SMAP1: variants seen among roughly 807,000 people sequenced by gnomAD.
SMAP1 encodes the protein small ArfGAP 1, also known as stromal membrane-associated protein 1.
A neutral mutation model predicts 58.5 loss-of-function variants in SMAP1; 24 were observed. The observed-to-expected ratio is 0.41, with a 90% confidence interval of 0.30 to 0.58. SMAP1 has a LOEUF of 0.58. Among genes scored for constraint, SMAP1 ranks in the 20% least tolerant of loss-of-function variants. SMAP1 has a pLI of 0.29. For synonymous variants in SMAP1, 216 were observed against 196.6 expected (o/e 1.10, Z -0.82); for missense variants, 563 against 566.3 (o/e 0.99, Z 0.06).
At chr6:70,754,291 A>G (rs1766397483) in intron 2 of SMAP1, among the ~76,000 whole-genome samples, 1 of 152,102 alleles carries the variant, frequency 6.6e-6, no homozygotes, top group African/African-American at 2.4e-5. Context: ...CTGAAACCTA[A>G]TTAAACTGGT....
chr6:70,855,629 A>G (rs1335971522), intron 8 of SMAP1, among the ~76,000 whole-genome samples: 2 of 152,202 alleles, frequency 1.3e-5, no homozygotes, highest in African/African-American at 4.8e-5. Flanking sequence ...TGTGCAGAAC[A>G]CTTTTGTGAT....
At chr6:70,816,878 A>G (rs1361030958) in intron 6 of SMAP1, among the ~76,000 whole-genome samples, 2 of 152,178 alleles carry the variant, frequency 1.3e-5, no homozygotes, top group African/African-American at 4.8e-5. Flanking sequence ...TAAAGATTTA[A>G]AGATTTAGTA....
chr6:70,792,816 C>T (rs1427599582), intron 5 of SMAP1, among the ~76,000 whole-genome samples: 1 of 151,864 alleles, frequency 6.6e-6, no homozygotes, highest in East Asian at 1.9e-4. Flanking sequence ...GGCTCGGGCA[C>T]TTGAGTGATG....
At chr6:70,822,429 C>T (rs912808928) in intron 6 of SMAP1, among the ~76,000 whole-genome samples, 2 of 150,806 alleles carry the variant, frequency 1.3e-5, no homozygotes, top group Non-Finnish European at 3.0e-5. Context: ...TGAGTAGTGG[C>T]TGTGCTGAGA....
intron 2 of SMAP1, among the ~76,000 whole-genome samples, chr6:70,747,530 C>G (rs994927731): frequency 2.0e-5 from 3 of 152,108 alleles, no homozygotes; most frequent in African/African-American, 7.2e-5. Context: ...CAATAGATGA[C>G]TAGATCCTGA....
chr6:70,696,892 T>C (rs1767427470), intron 1 of SMAP1, among the ~76,000 whole-genome samples: 1 of 152,242 alleles, frequency 6.6e-6, no homozygotes, highest in South Asian at 2.1e-4. Context: ...GCTCTAATAA[T>C]ATTTGCTTTA....
rs1166827675 is a variant in SMAP1 at position 70,861,970 on chromosome 6, C to T, written c.*1636C>T. ...TTGGACAAAATGACTTGAAGACTTA[C>T]AGCAAATCCTTTGTGAAAAATAAAA... On this transcript the variant is annotated 3_prime_UTR_variant, in exon 11 of 11. Coordinates refer to ENST00000370455, the MANE Select transcript of SMAP1 (RefSeq NM_001044305.3). 2.5e-6 allele frequency: 4 copies of T among 1,583,214 alleles called. No individual in the cohort carries two copies. In the Admixed American group the frequency reaches 5.7e-5, roughly 23 times the overall value.
intron 6 of SMAP1, among the ~76,000 whole-genome samples, chr6:70,805,453 C>G (rs931951030): frequency 6.6e-6 from 1 of 152,136 alleles, no homozygotes; most frequent in Non-Finnish European, 1.5e-5. Flanking sequence ...GAACATGTTC[C>G]ATTAGCTCCG....
chr6:70,815,431 G>A (rs757205941), intron 6 of SMAP1, among the ~76,000 whole-genome samples: 1 of 152,134 alleles, frequency 6.6e-6, no homozygotes, highest in Non-Finnish European at 1.5e-5. Context: ...TGTGGAATAT[G>A]ATACTCTTAG....
At chr6:70,822,357 T>C (rs1769926474) in intron 6 of SMAP1, among the ~76,000 whole-genome samples, 1 of 152,198 alleles carries the variant, frequency 6.6e-6, no homozygotes, top group African/African-American at 2.4e-5. Flanking sequence ...ATTATTATTC[T>C]CCTTTATGAT....
intron 1 of SMAP1, among the ~76,000 whole-genome samples, chr6:70,723,604 T>C (rs1768628764): frequency 6.6e-6 from 1 of 152,202 alleles, no homozygotes; most frequent in Non-Finnish European, 1.5e-5. Context: ...TGATACACTA[T>C]TACTTTCACA....
rs141637720 is a variant in SMAP1 at position 70,782,366 on chromosome 6, T to C, written c.414+8941T>C. 4.0e-4 allele frequency among the ~76,000 whole-genome samples: 61 copies of C among 152,300 alleles called. No individual in the cohort carries two copies. The East Asian group carries it at 7.1e-3, about 18-fold the overall frequency. The stretch of plus-strand genomic sequence containing the variant: ...CCTTCCTCCTCTTTTCCTGTAACAG[T>C]TGAAAATATTTATTGAGACCTGTTG... On this transcript the variant is annotated intron_variant, in intron 4 of 10. Coordinates refer to ENST00000370455, the MANE Select transcript of SMAP1 (RefSeq NM_001044305.3).
intron 2 of SMAP1, among the ~76,000 whole-genome samples, chr6:70,747,286 A>G (rs1464747306): frequency 6.6e-6 from 1 of 152,294 alleles, no homozygotes; most frequent in Non-Finnish European, 1.5e-5. Flanking sequence ...TTATTTGTTT[A>G]CCAATCACTG....
At chr6:70,773,277 G>T in intron 3 of SMAP1, 73 bp from the exon 4 acceptor site, 1 of 865,848 alleles carries the variant, frequency 1.2e-6, no homozygotes, top group Non-Finnish European at 1.8e-6. Flanking sequence ...TCCCAGCTTT[G>T]TGGAGTGGCG....
chr6:70,821,338 CT>C (rs543413025), intron 6 of SMAP1, among the ~76,000 whole-genome samples: 14 of 149,120 alleles, frequency 9.4e-5, no homozygotes, highest in East Asian at 2.0e-4. Flanking sequence ...ATATGCCATA[CT>C]TTTTTTTTTA....
chr6:70,821,180 T>C (rs1769874884), intron 6 of SMAP1, among the ~76,000 whole-genome samples: 1 of 152,194 alleles, frequency 6.6e-6, no homozygotes. Flanking sequence ...TTAAGTTTTG[T>C]CTGTTTTTGA....
chr6:70,772,208 T>C (rs1383758949), intron 3 of SMAP1, among the ~76,000 whole-genome samples: 1 of 152,232 alleles, frequency 6.6e-6, no homozygotes, highest in Non-Finnish European at 1.5e-5. Context: ...TTTTGTTTCA[T>C]CAGTGTCGTA....
chr6:70,767,435 T>A (rs545247777), intron 3 of SMAP1, among the ~76,000 whole-genome samples: 11 of 152,334 alleles, frequency 7.2e-5, no homozygotes, highest in African/African-American at 2.6e-4. Context: ...AGCAGTGGTT[T>A]GTAGTTCTCC....
chr6:70,822,982 A>G (rs955702949), intron 6 of SMAP1, among the ~76,000 whole-genome samples: 1 of 151,730 alleles, frequency 6.6e-6, no homozygotes, highest in African/African-American at 2.4e-5. Flanking sequence ...TTCTTTTTTA[A>G]TCTTTCTTAG....
Sources: gnomAD v4.1 joint callset for allele counts (sites outside exome capture counted in the v4.1 genomes callset) on GRCh38, gnomAD v4.1.1 for gene constraint, MANE v1.5 for transcripts, NCBI Gene and HGNC (gene_info 2026-07-23, HGNC 2026-07-21) for gene names.